Variants in KIAA0319 observed in about 807,000 individuals in gnomAD.
The protein encoded by KIAA0319 is dyslexia-associated protein KIAA0319.
A neutral mutation model predicts 108.4 loss-of-function variants in KIAA0319; 83 were observed. The observed-to-expected ratio is 0.77, with a 90% confidence interval of 0.64 to 0.92. The LOEUF (loss-of-function observed/expected upper bound fraction) is 0.92. KIAA0319 is among the 40% of genes least tolerant of loss of function. The pLI is 0.00. For synonymous variants in KIAA0319, 484 were observed against 510.4 expected, an observed-to-expected ratio of 0.95 and a Z score of 0.70; for missense variants, 1,195 against 1,322.4, an observed-to-expected ratio of 0.90 and a Z score of 1.49.
At chr6:24,542,840 C>T (rs969318793), downstream of KIAA0319, among the ~76,000 whole-genome samples, 1 of 151,964 alleles carries the variant, frequency 6.6e-6, no homozygotes, top group Non-Finnish European at 1.5e-5. Context: ...ACCAGTCAAT[C>T]AGAGCTCACC....
chr6:24,563,230 T>C lies in KIAA0319; in HGVS notation c.2591+129A>G. On this transcript the variant is annotated intron_variant, in intron 16 of 20. Transcript: ENST00000378214. ...ACTGCCCTTTGAGAAAAAAAGTATA[T>C]GAATGGGATAAAAGTGTGTCAAAAA... 5 of 1,020,670 alleles carry C rather than the reference T, an allele frequency of 4.9e-6. No individual in the cohort carries two copies. The South Asian group carries it at 8.1e-5, about 17-fold the overall frequency. The allele number at this position is 1,020,670 out of a possible 1,614,324, so 63.2% of individuals were successfully genotyped here.
intron 1 of KIAA0319, among the ~76,000 whole-genome samples, chr6:24,635,868 GT>G (rs1167914666): frequency 2.0e-5 from 3 of 152,210 alleles, no homozygotes; most frequent in Non-Finnish European, 2.9e-5. Flanking sequence ...TTTGTGGCAA[GT>G]TGTTCCGTAG....
chr6:24,605,624 C>G (rs1182158408), intron 1 of KIAA0319, among the ~76,000 whole-genome samples: 1 of 152,094 alleles, frequency 6.6e-6, no homozygotes, highest in Non-Finnish European at 1.5e-5. Context: ...TTCACAAGTT[C>G]AAAATGTTAT....
chr6:24,620,718 C>T (rs557994615), intron 1 of KIAA0319, among the ~76,000 whole-genome samples: 10 of 152,212 alleles, frequency 6.6e-5, no homozygotes, highest in South Asian at 2.1e-4. Context: ...GCTTAAATAA[C>T]GGAATTTATT....
chr6:24,547,555 C>T (rs747521967), intron 20 of KIAA0319, among the ~76,000 whole-genome samples: 2 of 152,166 alleles, frequency 1.3e-5, no homozygotes, highest in Non-Finnish European at 2.9e-5. Context: ...CTTTGACACT[C>T]GCCAGATGCT....
chr6:24,593,762 T>C (rs1334965355), intron 3 of KIAA0319, among the ~76,000 whole-genome samples: 1 of 152,106 alleles, frequency 6.6e-6, no homozygotes, highest in Non-Finnish European at 1.5e-5. Flanking sequence ...AGATTTTTAA[T>C]AGAGCTTGAT....
chr6:24,644,798 A>T (rs1015239271), intron 1 of KIAA0319, among the ~76,000 whole-genome samples: 2 of 152,226 alleles, frequency 1.3e-5, no homozygotes, highest in Non-Finnish European at 1.5e-5. Context: ...ACAAATGGTT[A>T]ATACAAATAA....
At chr6:24,543,880 C>T (rs2127395195), downstream of KIAA0319, among the ~76,000 whole-genome samples, 1 of 152,356 alleles carries the variant, frequency 6.6e-6, no homozygotes. Flanking sequence ...GAACCACCCA[C>T]ACAGAGGAAG....
At chr6:24,608,132 A>T (rs548626310) in intron 1 of KIAA0319, among the ~76,000 whole-genome samples, 2 of 152,244 alleles carry the variant, frequency 1.3e-5, no homozygotes, top group South Asian at 2.1e-4. Context: ...ACAGACAAAA[A>T]ATAGAAGACC....
intron 1 of KIAA0319, among the ~76,000 whole-genome samples, chr6:24,604,177 A>C (rs186691242): frequency 2.0e-3 from 308 of 152,368 alleles, no homozygotes; most frequent in Non-Finnish European, 3.3e-3. Flanking sequence ...TAGAGGAAGA[A>C]TACCTGGTTC....
intron 18 of KIAA0319, 51 bp downstream of exon 18, chr6:24,556,556 T>C: frequency 1.9e-6 from 3 of 1,573,168 alleles, no homozygotes; most frequent in Non-Finnish European, 2.6e-6. Context: ...TACCTGAGAA[T>C]GAGCTGCCTT....
At chr6:24,630,199 G>C (rs1775340605) in intron 1 of KIAA0319, among the ~76,000 whole-genome samples, 1 of 151,218 alleles carries the variant, frequency 6.6e-6, no homozygotes, top group Admixed American at 6.6e-5. Context: ...AATAATAATA[G>C]CGTGACAAAA....
chr6:24,559,700 T>C (rs2127435386), intron 16 of KIAA0319, among the ~76,000 whole-genome samples: 1 of 152,160 alleles, frequency 6.6e-6, no homozygotes, highest in African/African-American at 2.4e-5. Flanking sequence ...TCTTTCTTTT[T>C]ACCTTTTTTT....
intron 17 of KIAA0319, 23 bp downstream of exon 17, chr6:24,558,990 A>G (rs1762708380): frequency 6.3e-7 from 1 of 1,594,920 alleles, no homozygotes; most frequent in Admixed American, 1.8e-5. Context: ...TGATTGTTTT[A>G]GAATATTCCA....
In KIAA0319 at chr6:24,556,602, C is replaced by G; in HGVS notation, c.2857+5G>C. The G allele has an allele frequency of 6.2e-7, 1 of 1,613,564 alleles. No individual in the cohort carries two copies. The highest frequency in any genetic ancestry group is 8.5e-7 in the Non-Finnish European group (1 of 1,179,738). ...ACCCAAAGCCTCCTCTATACCAGAA[C>G]TCACCACAGTTGCTCTCTCCATCCC... is the stretch of plus-strand genomic sequence containing the variant. On this transcript the variant is annotated splice_donor_5th_base_variant and intron_variant, in intron 18 of 20. Coordinates refer to ENST00000378214, the MANE Select transcript of KIAA0319 (RefSeq NM_014809.4).
At chr6:24,600,588 T>G (rs1308168122) in intron 2 of KIAA0319, 14 of 1,164,918 alleles carry the variant, frequency 1.2e-5, no homozygotes, top group Non-Finnish European at 1.6e-5. Context: ...TTTCTAGTCA[T>G]ATCACCACCC....
rs1254198394 is a variant in KIAA0319, at chr6:24,569,983, G to C, written c.1911C>G (p.Phe637Leu). 1.2e-6 allele frequency: 2 copies of C among 1,613,998 alleles called. No individual in the cohort carries two copies. The highest frequency in any genetic ancestry group is 2.7e-5 in the African/African-American group (2 of 74,940). Residue 637 changes from phenylalanine to leucine, a missense_variant, in exon 12 of 21, where the codon TTC becomes TTG. Physicochemically the swap from Phe to Leu is conservative, Grantham distance 22. Coordinates refer to ENST00000378214, the MANE Select transcript of KIAA0319 (RefSeq NM_014809.4). ...AVAGPDKELIFPVESATLDGS... is the reference protein window; with the variant it reads ...AVAGPDKELILPVESATLDGS... ...CATCCAGGGTAGCACTTTCCACTGG[G>C]AAGATCAGCTCTTTATCAGGGCCGG... is the stretch of plus-strand genomic sequence containing the variant.
chr6:24,642,805 G>T (rs912194901), intron 1 of KIAA0319, among the ~76,000 whole-genome samples: 3 of 151,704 alleles, frequency 2.0e-5, no homozygotes, highest in Non-Finnish European at 4.4e-5. Context: ...CGCAACCTCC[G>T]CCTCCCGGAG....
chr6:24,597,525 G>A (rs919002507), intron 2 of KIAA0319, among the ~76,000 whole-genome samples: 1 of 152,184 alleles, frequency 6.6e-6, no homozygotes, highest in African/African-American at 2.4e-5. Flanking sequence ...AAAGAAGTTT[G>A]AGAAGGTGGG....
Sources: allele counts gnomAD v4.1 joint callset (sites outside exome capture counted in the v4.1 genomes callset), GRCh38; gene constraint gnomAD v4.1.1; transcripts MANE v1.5; gene names NCBI Gene and HGNC (gene_info 2026-07-23, HGNC 2026-07-21).